PEBP4: variants seen among roughly 807,000 people sequenced by gnomAD.
The protein encoded by PEBP4 is phosphatidylethanolamine binding protein 4.
In PEBP4, 22 loss-of-function variants were observed where a neutral mutation model predicts 23.9. That is an observed-to-expected ratio of 0.92 (90% CI 0.66 to 1.31). The LOEUF is 1.31. Ranked by LOEUF, PEBP4 falls within the 40% of genes most tolerant of loss-of-function variation. PEBP4 has a pLI of 0.00. For synonymous variants in PEBP4, 112 were observed against 99.3 expected (o/e 1.13, Z -0.76); for missense variants, 324 against 281.7 (o/e 1.15, Z -1.07).
chr8:22,843,197 A>C (rs1025425268), intron 3 of PEBP4, among the ~76,000 whole-genome samples: 6 of 152,180 alleles, frequency 3.9e-5, no homozygotes, highest in African/African-American at 1.4e-4. Context: ...CTCCGACTTC[A>C]GGTGATGCAC....
At chr8:22,817,825 C>G in intron 3 of PEBP4, 90 bp from the exon 4 acceptor site, 3 of 1,216,710 alleles carry the variant, frequency 2.5e-6, no homozygotes, top group Non-Finnish European at 2.4e-6. Flanking sequence ...CCATTCCAAC[C>G]GAGAATGGCT....
At chr8:22,805,530 T>C (rs1806477477) in intron 4 of PEBP4, among the ~76,000 whole-genome samples, 1 of 152,194 alleles carries the variant, frequency 6.6e-6, no homozygotes, top group Non-Finnish European at 1.5e-5. Flanking sequence ...TTCTCCATGT[T>C]GGTCAGGCTG....
At chr8:22,801,963 C>T (rs943669555) in intron 4 of PEBP4, among the ~76,000 whole-genome samples, 1 of 152,166 alleles carries the variant, frequency 6.6e-6, no homozygotes, top group Admixed American at 6.5e-5. Context: ...GACTTCCATC[C>T]TCTTTGAAAG....
chr8:22,888,172 T>G (rs915960172), intron 3 of PEBP4: 26 of 151,452 alleles, frequency 1.7e-4, no homozygotes, highest in African/African-American at 6.3e-4. Flanking sequence ...TTTTTTTTTT[T>G]TGAGACAGTT....
chr8:22,716,359 C>T (rs1041793033), intron 6 of PEBP4, among the ~76,000 whole-genome samples: 3 of 152,182 alleles, frequency 2.0e-5, no homozygotes, highest in African/African-American at 7.2e-5. Flanking sequence ...TAGATTTCAG[C>T]GATGTTCCAG....
intron 4 of PEBP4, among the ~76,000 whole-genome samples, chr8:22,814,601 G>C (rs947926465): frequency 6.6e-6 from 1 of 152,172 alleles, no homozygotes; most frequent in African/African-American, 2.4e-5. Context: ...CAACCATCCA[G>C]TTAGACCTGG....
chr8:22,820,353 G>A (rs919324678), intron 3 of PEBP4, among the ~76,000 whole-genome samples: 27 of 152,176 alleles, frequency 1.8e-4, no homozygotes, highest in Admixed American at 1.7e-3. Context: ...TGTGGAATAC[G>A]TGGTAGTTGG....
Position 22,865,725 on chromosome 8 carries a change from A to G in PEBP4, c.259-47990T>C, listed in dbSNP as rs574624118. ...GGATCCCAGAGGAAAGGGGAGAGGA[A>G]TCTCCCCACCGGATCTGGTGGGCGG... On this transcript the variant is annotated intron_variant, in intron 3 of 6. Coordinates refer to ENST00000256404, the MANE Select transcript of PEBP4 (RefSeq NM_144962.3). The surrounding 1 kb of genome is among the most constrained non-coding windows in gnomAD (Gnocchi z 6.9). Among the ~76,000 whole-genome samples the G allele has an allele frequency of 3.9e-5, 6 of 152,082 alleles. No homozygotes were observed. The highest frequency in any genetic ancestry group is 3.9e-4 in the Admixed American group (6 of 15,296).
chr8:22,910,924 C>T (rs1808925525), intron 3 of PEBP4, among the ~76,000 whole-genome samples: 1 of 145,810 alleles, frequency 6.9e-6, no homozygotes. Context: ...AAGAGTGAGC[C>T]CTAATGTGAA....
intron 4 of PEBP4, among the ~76,000 whole-genome samples, chr8:22,782,632 C>T (rs945723986): frequency 1.3e-5 from 2 of 152,148 alleles, no homozygotes; most frequent in Non-Finnish European, 2.9e-5. Context: ...GAATAGTCTT[C>T]GAGGGGTCTG....
At chr8:22,870,085 T>C (rs972977119) in intron 3 of PEBP4, among the ~76,000 whole-genome samples, 9 of 152,116 alleles carry the variant, frequency 5.9e-5, no homozygotes, top group African/African-American at 2.2e-4. Flanking sequence ...AAAACTTAGG[T>C]TTCAAGACAC....
At chr8:22,861,844 A>G (rs1192286806) in intron 3 of PEBP4, among the ~76,000 whole-genome samples, 1 of 152,230 alleles carries the variant, frequency 6.6e-6, no homozygotes, top group Non-Finnish European at 1.5e-5. Flanking sequence ...AAATGGGTTC[A>G]GTTGCCACTT....
chr8:22,768,249 C>T (rs1007702238), intron 4 of PEBP4, among the ~76,000 whole-genome samples: 10 of 152,146 alleles, frequency 6.6e-5, no homozygotes, highest in African/African-American at 1.9e-4. Context: ...TGTCCCTCTG[C>T]CCCCTGGTAG....
intron 4 of PEBP4, among the ~76,000 whole-genome samples, chr8:22,738,282 C>T (rs1463807930): frequency 1.3e-5 from 2 of 152,190 alleles, no homozygotes; most frequent in African/African-American, 4.8e-5. Context: ...ACACATGATC[C>T]CACAGACAGA....
intron 3 of PEBP4, among the ~76,000 whole-genome samples, chr8:22,837,604 C>T (rs964358750): frequency 2.0e-5 from 3 of 152,158 alleles, no homozygotes; most frequent in Non-Finnish European, 2.9e-5. Flanking sequence ...ATACACATGC[C>T]CACACAGACG....
chr8:22,782,514 AC>A (rs1805945890), intron 4 of PEBP4, among the ~76,000 whole-genome samples: 1 of 152,214 alleles, frequency 6.6e-6, no homozygotes, highest in African/African-American at 2.4e-5. Context: ...AGGTCAATGG[AC>A]CACATACAGA....
At position 22,713,553 on chromosome 8, in the gene PEBP4, A is replaced by AC. The variant is rs779591937; in HGVS notation, c.518-18dup. On this transcript the variant is annotated splice_polypyrimidine_tract_variant and intron_variant, in intron 6 of 6. Coordinates refer to ENST00000256404, the MANE Select transcript of PEBP4 (RefSeq NM_144962.3). ...TCCAAGAGCCTGGAAGGACAAACAG[A>AC]CCACAGGGAGGCAGTGAGAAAGAGC... The AC allele has an allele frequency of 3.2e-5, 52 of 1,614,112 alleles. No homozygotes were observed. In the African/African-American group the frequency reaches 6.5e-4, roughly 20 times the overall value.
chr8:22,725,157 G>A (rs1804598840), intron 5 of PEBP4, among the ~76,000 whole-genome samples: 1 of 152,088 alleles, frequency 6.6e-6, no homozygotes, highest in African/African-American at 2.4e-5. Flanking sequence ...GGGGGTGAGA[G>A]TGGGGGAGGA....
At chr8:22,940,777 C>T (rs1005567846) in intron 1 of PEBP4, among the ~76,000 whole-genome samples, 1 of 152,220 alleles carries the variant, frequency 6.6e-6, no homozygotes, top group Non-Finnish European at 1.5e-5. Flanking sequence ...GCGTGAGCCA[C>T]CACGGCCAGC....
Sources: allele counts gnomAD v4.1 joint callset (sites outside exome capture counted in the v4.1 genomes callset), GRCh38; gene constraint gnomAD v4.1.1; non-coding constraint Gnocchi (gnomAD v3.1); transcripts MANE v1.5; gene names NCBI Gene and HGNC (gene_info 2026-07-23, HGNC 2026-07-21).